The following DMXL2 variants were observed in gnomAD, a reference collection of about 807,000 sequenced individuals.
DMXL2 encodes dmX-like protein 2.
In DMXL2, 103 loss-of-function variants were observed where a neutral mutation model predicts 331.1. That is an observed-to-expected ratio of 0.31 (90% CI 0.27 to 0.37). DMXL2 has a LOEUF of 0.37. Ranked by LOEUF, DMXL2 falls within the 10% of genes least tolerant of loss-of-function variation. The pLI is 1.00. For missense variants in DMXL2, 3,171 were observed against 3,642.9 expected (o/e 0.87, Z 3.33); for synonymous variants, 1,281 against 1,252.1 (o/e 1.02, Z -0.49).
chr15:51,591,672 C>T (rs1396695756), intron 1 of DMXL2, among the ~76,000 whole-genome samples: 1 of 152,162 alleles, frequency 6.6e-6, no homozygotes, highest in African/African-American at 2.4e-5. Context: ...AACTGGGAGG[C>T]ACCCCCCAGT....
At chr15:51,537,447 A>G (rs770278299) in intron 11 of DMXL2, 41 bp downstream of exon 11, 33 of 1,527,042 alleles carry the variant, frequency 2.2e-5, no homozygotes, top group Non-Finnish European at 2.7e-5. Flanking sequence ...TCTTTTTACT[A>G]TTTTAAGAAA....
intron 2 of DMXL2, 152 bp from the exon 3 acceptor site, chr15:51,568,710 A>G: frequency 1.7e-6 from 1 of 595,626 alleles, no homozygotes; most frequent in Non-Finnish European, 2.8e-6. Context: ...AGTGTACTGG[A>G]GTTAAGAGTC....
At chr15:51,482,588 A>G (rs187778897) in intron 23 of DMXL2, among the ~76,000 whole-genome samples, 87 of 152,350 alleles carry the variant, frequency 5.7e-4, no homozygotes, top group African/African-American at 1.9e-3. Context: ...GTTTCTAAAT[A>G]TTATTCCCCA....
Position 51,448,757 on chromosome 15 carries a change from T to C in DMXL2, c.*227A>G. On this transcript the variant is annotated 3_prime_UTR_variant, in exon 44 of 44. Coordinates refer to ENST00000560891, the MANE Select transcript of DMXL2 (RefSeq NM_001378457.1). ...TTTGCTAAATGCTGTAAAGAATAGC[T>C]ATCCTTCATACAATACTAGGTTTTA... The C allele has an allele frequency of 3.7e-6, 2 of 538,280 alleles. No homozygotes were observed. The highest frequency in any genetic ancestry group is 6.6e-6 in the Non-Finnish European group (2 of 302,614). The allele number at this position is 538,280 out of a possible 1,614,324, so 33.3% of individuals were successfully genotyped here.
intron 1 of DMXL2, among the ~76,000 whole-genome samples, chr15:51,595,673 T>C (rs552900911): frequency 2.6e-5 from 4 of 152,252 alleles, no homozygotes; most frequent in Admixed American, 6.5e-5. Context: ...CAAACTATAC[T>C]ACAAGGCTAC....
chr15:51,507,083 A>C (rs568506676), intron 16 of DMXL2, 51 bp downstream of exon 16: 1 of 1,376,220 alleles, frequency 7.3e-7, no homozygotes, highest in African/African-American at 1.5e-5. Context: ...AGCATATTCT[A>C]TAAAATAAAT....
intron 15 of DMXL2, among the ~76,000 whole-genome samples, chr15:51,512,833 T>A (rs1158329519): frequency 6.7e-6 from 1 of 148,950 alleles, no homozygotes; most frequent in Non-Finnish European, 1.5e-5. Context: ...AAAAAAAAAA[T>A]TCGGGGGGAA....
intron 43 of DMXL2, among the ~76,000 whole-genome samples, chr15:51,449,545 G>A (rs912098720): frequency 5.3e-5 from 8 of 152,182 alleles, no homozygotes; most frequent in South Asian, 2.1e-4. Flanking sequence ...CCCTACTTAC[G>A]ATGGTTTGAC....
At chr15:51,606,594 C>A (rs2053604703) in intron 1 of DMXL2, among the ~76,000 whole-genome samples, 1 of 152,200 alleles carries the variant, frequency 6.6e-6, no homozygotes, top group African/African-American at 2.4e-5. Context: ...GTAAAATCCC[C>A]AAGACATGTC....
At chr15:51,495,701 T>A (rs1432637714) in intron 18 of DMXL2, among the ~76,000 whole-genome samples, 2 of 152,130 alleles carry the variant, frequency 1.3e-5, no homozygotes, top group Non-Finnish European at 2.9e-5. Context: ...TTCCACTTAG[T>A]CAAAGTATGA....
intron 15 of DMXL2, among the ~76,000 whole-genome samples, chr15:51,512,457 A>T (rs1194057302): frequency 6.6e-6 from 1 of 152,180 alleles, no homozygotes; most frequent in Non-Finnish European, 1.5e-5. Context: ...ATATGTAAGG[A>T]AGTTATTTTT....
chr15:51,548,228 G>C (rs538859007), intron 6 of DMXL2, among the ~76,000 whole-genome samples: 21 of 152,176 alleles, frequency 1.4e-4, no homozygotes, highest in African/African-American at 4.8e-4. Context: ...AATAATAAAT[G>C]TTATCGCTTA....
intron 1 of DMXL2, among the ~76,000 whole-genome samples, chr15:51,576,458 A>G (rs1201270025): frequency 2.0e-5 from 3 of 152,170 alleles, no homozygotes; most frequent in African/African-American, 7.2e-5. Context: ...CCTGCAGGTC[A>G]TAAGTCATTC....
At chr15:51,580,975 C>T (rs929996680) in intron 1 of DMXL2, among the ~76,000 whole-genome samples, 9 of 152,026 alleles carry the variant, frequency 5.9e-5, no homozygotes, top group African/African-American at 2.2e-4. Context: ...CTCTGAACTC[C>T]GAAAAATTGT....
chr15:51,603,621 C>T (rs1476255200), intron 1 of DMXL2: 1 of 152,080 alleles, frequency 6.6e-6, no homozygotes, highest in Admixed American at 6.5e-5. Flanking sequence ...AATCCCAGCA[C>T]TTTGGGAGGC....
intron 22 of DMXL2, 121 bp downstream of exon 22, chr15:51,487,833 C>A (rs2042509447): frequency 2.5e-6 from 2 of 786,308 alleles, no homozygotes; most frequent in African/African-American, 3.6e-5. Flanking sequence ...TTAAGTACAG[C>A]AACCTCTGTA....
chr15:51,483,408 G>A (rs991482975), intron 23 of DMXL2, among the ~76,000 whole-genome samples: 33 of 152,158 alleles, frequency 2.2e-4, no homozygotes, highest in African/African-American at 8.0e-4. Flanking sequence ...CAGAGCCTAG[G>A]ACCATGACTG....
chr15:51,463,355 T>C, intron 33 of DMXL2, 24 bp downstream of exon 33: 1 of 1,336,868 alleles, frequency 7.5e-7, no homozygotes, highest in Non-Finnish European at 1.1e-6. Context: ...AAAATTACAA[T>C]AGAAAATATT....
At chr15:51,610,209 T>C (rs1287411794) in intron 1 of DMXL2, among the ~76,000 whole-genome samples, 1 of 152,210 alleles carries the variant, frequency 6.6e-6, no homozygotes, top group Non-Finnish European at 1.5e-5. Context: ...TACTTCCTAA[T>C]GATCAACAGA....
Sources: allele counts gnomAD v4.1 joint callset (sites outside exome capture counted in the v4.1 genomes callset), GRCh38; gene constraint gnomAD v4.1.1; transcripts MANE v1.5; gene names NCBI Gene and HGNC (gene_info 2026-07-23, HGNC 2026-07-21).